Variants in GTF2IRD1 observed in about 807,000 individuals in gnomAD.
The protein encoded by GTF2IRD1 is GTF2I repeat domain containing 1.
GTF2IRD1 carries 26 observed loss-of-function variants against 113.2 expected under a neutral mutation model. The ratio of observed to expected loss-of-function variants is 0.23; its 90% confidence interval spans 0.17 to 0.32. The LOEUF (loss-of-function observed/expected upper bound fraction) is 0.32. GTF2IRD1 is among the 10% of genes least tolerant of loss of function. The pLI is 1.00. For synonymous variants in GTF2IRD1, 484 were observed against 529.1 expected (o/e 0.91, Z 1.17); for missense variants, 864 against 1,280.8 (o/e 0.67, Z 4.97).
intron 14 of GTF2IRD1, among the ~76,000 whole-genome samples, chr7:74,544,142 A>G (rs1175066361): frequency 6.6e-6 from 1 of 152,120 alleles, no homozygotes; most frequent in Non-Finnish European, 1.5e-5. Flanking sequence ...TGTGATGACT[A>G]TTTTAAACAA....
rs782539849 is a variant in GTF2IRD1 at position 74,529,936 on chromosome 7, G to A, written c.1274+19G>A. 8.2e-6 allele frequency: 13 copies of A among 1,592,836 alleles called. No homozygotes were observed. Among genetic ancestry groups the A allele is most frequent in the Non-Finnish European group, 1.0e-5 (12 of 1,163,292 alleles). On this transcript the variant is annotated intron_variant, in intron 9 of 26. Coordinates refer to ENST00000424337, the MANE Select transcript of GTF2IRD1 (RefSeq NM_005685.4). ...TTAAGAGGTGCGGGTGGGGCTGGGCGCAGTGGCTCATGCCTGTAATCCCAG... is the reference window on the plus strand; with the variant it reads ...TTAAGAGGTGCGGGTGGGGCTGGGCACAGTGGCTCATGCCTGTAATCCCAG...
chr7:74,540,112 C>G (rs1403269330), intron 14 of GTF2IRD1, 144 bp downstream of exon 14: 3 of 584,962 alleles, frequency 5.1e-6, no homozygotes, highest in Non-Finnish European at 9.2e-6. Flanking sequence ...TGACCCTAAT[C>G]CAAGGCTGGG....
intron 22 of GTF2IRD1, among the ~76,000 whole-genome samples, chr7:74,578,597 CTCTA>C (rs202130149): frequency 0.011 from 1,710 of 152,284 alleles, 35 homozygotes; most frequent in African/African-American, 0.038. Context: ...GTTCTCATGG[CTCTA>C]TAATCTTCCA....
intron 20 of GTF2IRD1, 129 bp downstream of exon 20, chr7:74,557,851 T>C (rs1799694531): frequency 1.3e-5 from 8 of 622,942 alleles, no homozygotes; most frequent in Non-Finnish European, 1.7e-5. Flanking sequence ...TTCTTGAGCA[T>C]ATACTACGTG....
In GTF2IRD1 at chr7:74,512,712, T is replaced by C. The variant is rs1796708563; in HGVS notation, c.124-118T>C. 1.0e-5 allele frequency: 9 copies of C among 884,896 alleles called. No individual in the cohort carries two copies. The Admixed American group carries it at 2.1e-4, about 21-fold the overall frequency. 54.8% of individuals were successfully genotyped at this position (884,896 alleles called of 1,614,324 possible). A position where few individuals can be genotyped will look rare whatever the true frequency, so the allele number is the denominator to read the frequency against. On this transcript the variant is annotated intron_variant, in intron 2 of 26. Transcript: ENST00000424337. This position sits in a 1 kb window ranked among gnomAD's most constrained non-coding sequence, Gnocchi z 4.4. ...GAACAGTAGAGGGGCCGTCTGTCCC[T>C]GGAGCTGCTGCTGGGGTCTCAGGCA... is the stretch of plus-strand genomic sequence containing the variant.
At chr7:74,460,415 A>C (rs543331350) in intron 1 of GTF2IRD1, among the ~76,000 whole-genome samples, 2,153 of 124,432 alleles carry the variant, frequency 0.017, 43 homozygotes, top group African/African-American at 0.063. Context: ...AATTAAAAAA[A>C]AATTTTTTTT....
chr7:74,485,490 G>A (rs558517108), intron 1 of GTF2IRD1, among the ~76,000 whole-genome samples: 82 of 152,242 alleles, frequency 5.4e-4, no homozygotes, highest in African/African-American at 1.9e-3. Context: ...GGTGGCGGAC[G>A]CCTGTAGTCC....
intron 14 of GTF2IRD1, among the ~76,000 whole-genome samples, chr7:74,541,574 C>T (rs1453229960): frequency 3.3e-5 from 5 of 151,142 alleles, no homozygotes; most frequent in African/African-American, 7.3e-5. Flanking sequence ...TGTGGTGAGC[C>T]GTGATGGTGC....
At chr7:74,475,709 G>A (rs1231682658) in intron 1 of GTF2IRD1, among the ~76,000 whole-genome samples, 5 of 152,236 alleles carry the variant, frequency 3.3e-5, no homozygotes, top group African/African-American at 4.8e-5. Context: ...AGAAGTGGAA[G>A]TAATGCAGGT....
chr7:74,457,884 T>TG (rs202135399), intron 1 of GTF2IRD1, among the ~76,000 whole-genome samples: 3,265 of 150,284 alleles, frequency 0.022, 123 homozygotes, highest in African/African-American at 0.075. Context: ...TTTGTTTTTT[T>TG]TTTTTTTTTT....
At chr7:74,479,742 G>A (rs1160281807) in intron 1 of GTF2IRD1, among the ~76,000 whole-genome samples, 2 of 146,906 alleles carry the variant, frequency 1.4e-5, no homozygotes, top group Non-Finnish European at 3.0e-5. Flanking sequence ...AAGTACATGA[G>A]TACATGAATC....
At chr7:74,471,856 G>A (rs568350569) in intron 1 of GTF2IRD1, among the ~76,000 whole-genome samples, 1 of 152,070 alleles carries the variant, frequency 6.6e-6, no homozygotes, top group East Asian at 1.9e-4. Flanking sequence ...GCCAGGCATG[G>A]TGGTGGGTGC....
chr7:74,497,483 G>A (rs1795796809), intron 1 of GTF2IRD1, among the ~76,000 whole-genome samples: 1 of 152,100 alleles, frequency 6.6e-6, no homozygotes, highest in African/African-American at 2.4e-5. Flanking sequence ...TCAAACTCCT[G>A]AGCTCAAGCA....
intron 8 of GTF2IRD1, 115 bp downstream of exon 8, chr7:74,524,269 C>A: frequency 3.1e-6 from 2 of 643,334 alleles, no homozygotes; most frequent in South Asian, 1.9e-5. Context: ...CTGGCTCCCG[C>A]GCGCCGGCAC....
intron 1 of GTF2IRD1, among the ~76,000 whole-genome samples, chr7:74,462,753 A>G (rs1260987230): frequency 3.9e-5 from 6 of 152,184 alleles, no homozygotes; most frequent in Admixed American, 2.0e-4. Context: ...AAGCCGGGGG[A>G]GCTGCTCATC....
chr7:74,559,693 G>A (rs1204195275), intron 22 of GTF2IRD1, 38 bp downstream of exon 22: 1 of 1,552,692 alleles, frequency 6.4e-7, no homozygotes, highest in Non-Finnish European at 8.7e-7. Context: ...ACTGGGAATA[G>A]GGCCCGATCG....
intron 22 of GTF2IRD1, among the ~76,000 whole-genome samples, chr7:74,570,807 G>T (rs1452167839): frequency 2.6e-5 from 4 of 152,158 alleles, no homozygotes; most frequent in Admixed American, 2.0e-4. Flanking sequence ...CTTGCTGCAG[G>T]AGAGGAGAAA....
intron 22 of GTF2IRD1, among the ~76,000 whole-genome samples, chr7:74,570,439 T>C (rs1554362308): frequency 6.6e-6 from 1 of 150,796 alleles, no homozygotes; most frequent in Admixed American, 6.6e-5. Context: ...GCAGGAGGAT[T>C]GCTTGAAGCC....
At chr7:74,513,897 C>T (rs1396728830) in intron 3 of GTF2IRD1, among the ~76,000 whole-genome samples, 7 of 152,110 alleles carry the variant, frequency 4.6e-5, no homozygotes, top group African/African-American at 1.4e-4. Flanking sequence ...CCTGTAGTCC[C>T]AGCTGCTTGA....
Sources: allele counts gnomAD v4.1 joint callset (sites outside exome capture counted in the v4.1 genomes callset), GRCh38; gene constraint gnomAD v4.1.1; non-coding constraint Gnocchi (gnomAD v3.1); transcripts MANE v1.5; gene names NCBI Gene and HGNC (gene_info 2026-07-23, HGNC 2026-07-21).